The following UTP20 variants were observed in gnomAD, a reference collection of about 807,000 sequenced individuals.
UTP20 encodes UTP20 small subunit processome component, also known as small subunit processome component 20 homolog.
UTP20 carries 164 observed loss-of-function variants against 329.5 expected under a neutral mutation model. The ratio of observed to expected loss-of-function variants is 0.50; its 90% confidence interval spans 0.44 to 0.57. The LOEUF (loss-of-function observed/expected upper bound fraction) is 0.57, where lower values mean the gene tolerates loss of function less well. UTP20 is among the 20% of genes least tolerant of loss of function. UTP20 has a pLI of 0.00. For missense variants in UTP20, 3,055 were observed against 3,284.2 expected (o/e 0.93, Z 1.71); for synonymous variants, 1,151 against 1,159.3 (o/e 0.99, Z 0.14).
intron 22 of UTP20, among the ~76,000 whole-genome samples, chr12:101,318,423 G>A (rs1418144013): frequency 6.6e-6 from 1 of 152,208 alleles, no homozygotes; most frequent in African/African-American, 2.4e-5. Context: ...CCTTTGCTAA[G>A]TGCTGGTGTG....
At chr12:101,305,611 T>TTATATATATA (rs34841818) in intron 15 of UTP20, among the ~76,000 whole-genome samples, 6 of 144,582 alleles carry the variant, frequency 4.1e-5, no homozygotes, top group African/African-American at 1.5e-4. Flanking sequence ...ATAATAAATA[T>TTATATATATA]TATATATATA....
At chr12:101,285,912 C>G in intron 4 of UTP20, 31 bp downstream of exon 4, 3 of 1,599,898 alleles carry the variant, frequency 1.9e-6, no homozygotes, top group Non-Finnish European at 2.6e-6. Flanking sequence ...AAGCTCACAA[C>G]TATATTTGCC....
intron 25 of UTP20, among the ~76,000 whole-genome samples, chr12:101,324,115 T>A (rs1230369281): frequency 6.6e-6 from 1 of 151,650 alleles, no homozygotes; most frequent in African/African-American, 2.4e-5. Flanking sequence ...CCAGCCTGGA[T>A]GACAGAGCGA....
chr12:101,344,879 A>G (rs1869266332), intron 36 of UTP20, 129 bp downstream of exon 36: 1 of 625,458 alleles, frequency 1.6e-6, no homozygotes, highest in African/African-American at 1.8e-5. Flanking sequence ...GGTTGAGTAA[A>G]TAGTCACCAG....
Position 101,367,946 on chromosome 12 carries a change from C to T in UTP20, c.6354C>T (p.Leu2118=), listed in dbSNP as rs2121018704. 6.2e-7 allele frequency: 1 copy of T among 1,613,524 alleles called. No homozygotes were observed. Among genetic ancestry groups the T allele is most frequent in the East Asian group, 2.2e-5 (1 of 44,860 alleles). The change falls in exon 48 of 62, where the codon CTC becomes CTT. Residue 2118 remains leucine (L), a synonymous_variant. Coordinates refer to ENST00000261637, the MANE Select transcript of UTP20 (RefSeq NM_014503.3). ...TGCTGGATCCTTTTGTGTCTCTCCT[C>T]ATAGACTGCCTGGGCTCCATGGATG... ...LEMLDPFVSL[L]IDCLGSMDVK...
chr12:101,353,988 G>A (rs111889246), intron 40 of UTP20, among the ~76,000 whole-genome samples: 181 of 151,900 alleles, frequency 1.2e-3, no homozygotes, highest in African/African-American at 4.2e-3. Flanking sequence ...GCTGGGGCAC[G>A]GTGGCTCACA....
At chr12:101,314,899 G>A (rs1366594259) in intron 21 of UTP20, among the ~76,000 whole-genome samples, 2 of 151,472 alleles carry the variant, frequency 1.3e-5, no homozygotes, top group African/African-American at 4.9e-5. Flanking sequence ...TCAGGAGTTC[G>A]AGACCAGCCT....
At chr12:101,344,562 G>A in intron 35 of UTP20, 33 bp from the exon 36 acceptor site, 4 of 878,738 alleles carry the variant, frequency 4.6e-6, no homozygotes, top group South Asian at 2.6e-5. Flanking sequence ...TTATTACAGA[G>A]AATAATTTCT....
chr12:101,298,241 G>A (rs900845142), intron 12 of UTP20, among the ~76,000 whole-genome samples: 4 of 152,228 alleles, frequency 2.6e-5, no homozygotes, highest in South Asian at 2.1e-4. Context: ...GTGGTGAGGC[G>A]GGTAAGCAAA....
intron 2 of UTP20, 141 bp downstream of exon 2, chr12:101,281,337 C>T (rs1189623179): frequency 1.6e-5 from 10 of 642,644 alleles, no homozygotes; most frequent in Non-Finnish European, 2.3e-5. Context: ...ACAGTAGCCA[C>T]ATATGACAAA....
intron 25 of UTP20, among the ~76,000 whole-genome samples, chr12:101,325,335 C>T (rs560718105): frequency 1.3e-5 from 2 of 152,306 alleles, no homozygotes; most frequent in African/African-American, 4.8e-5. Context: ...TCCTTATCAG[C>T]GATGCCTTCT....
chr12:101,373,632 A>G lies in UTP20; in HGVS notation c.6996A>G (p.Leu2332=). 1 of 1,613,074 alleles carries G rather than the reference A, an allele frequency of 6.2e-7. No individual in the cohort carries two copies. Among genetic ancestry groups the G allele is most frequent in the Non-Finnish European group, 8.5e-7 (1 of 1,179,802 alleles). Reference sequence around the variant, plus strand: ...GAATGTTCTTTATCCCTCTTTGTCTAATGACGATCAATGATGACTCTGCCA... The same window carrying G: ...GAATGTTCTTTATCCCTCTTTGTCTGATGACGATCAATGATGACTCTGCCA... ...NCGMFFIPLC[L]MTINDDSATC... The change falls in exon 54 of 62, where the codon CTA becomes CTG. Residue 2332 remains leucine (L), a synonymous_variant. Transcript: ENST00000261637.
At position 101,320,933 on chromosome 12, in the gene UTP20, T is replaced by C; in HGVS notation, c.2911T>C (p.Tyr971His). The change falls in exon 24 of 62, where the codon TAC becomes CAC. Residue 971 changes from tyrosine to histidine, a missense_variant. Physicochemically the swap from Tyr to His is moderately conservative, Grantham distance 83. This residue lies in a region of UTP20 where 2,445 missense variants were observed against 2,575.5 expected (regional missense o/e 0.95). Transcript: ENST00000261637. ...MTYKHPHVLPYRENLQRLLED... is the reference protein window; with the variant it reads ...MTYKHPHVLPHRENLQRLLED... ...ATATAAACATCCTCATGTCCTCCCTTACAGGTAAGTTACTTGAAGCTTAAA... is the reference window on the plus strand; with the variant it reads ...ATATAAACATCCTCATGTCCTCCCTCACAGGTAAGTTACTTGAAGCTTAAA... 2 of 1,603,718 alleles carry C rather than the reference T, an allele frequency of 1.2e-6. No homozygotes were observed. Among genetic ancestry groups the C allele is most frequent in the South Asian group, 2.3e-5 (2 of 88,078 alleles).
Position 101,316,192 on chromosome 12 carries a change from C to G in UTP20, c.2553-1286C>G, listed in dbSNP as rs1266920550. ...TTTGTGAATCCCTTGTAAACATTCT[C>G]TGAGACGAACCAAACCAGGAACAAG... is the stretch of plus-strand genomic sequence containing the variant. On this transcript the variant is annotated intron_variant, in intron 21 of 61. Transcript: ENST00000261637. 2.0e-5 allele frequency among the ~76,000 whole-genome samples: 3 copies of G among 152,292 alleles called. No homozygotes were observed. The East Asian group carries it at 5.8e-4, about 29-fold the overall frequency.
intron 40 of UTP20, among the ~76,000 whole-genome samples, chr12:101,354,112 A>G (rs936384048): frequency 4.6e-5 from 7 of 151,980 alleles, no homozygotes; most frequent in Admixed American, 6.6e-5. Flanking sequence ...TATACAAAAA[A>G]TTAGCTGGAC....
rs766116806 is a variant in UTP20 at position 101,363,617 on chromosome 12, G to T, written c.5832G>T (p.Lys1944Asn). 3.1e-6 allele frequency: 5 copies of T among 1,613,864 alleles called. No homozygotes were observed. In the Admixed American group the frequency reaches 8.3e-5, roughly 27 times the overall value. Residue 1944 changes from lysine (K) to asparagine (N), a missense_variant, in exon 45 of 62, where the codon AAG (lysine) becomes AAT (asparagine). Around this residue, in one of 3 missense-constraint regions of UTP20, gnomAD observed 2,445 missense variants for 2,575.5 expected, o/e 0.95. Transcript: ENST00000261637. Reference protein sequence around the residue: ...HELFGAVAEEKEVKQILSKVM... With the variant: ...HELFGAVAEENEVKQILSKVM... The stretch of plus-strand genomic sequence containing the variant: ...TGTTTGGTGCTGTTGCTGAAGAGAA[G>T]GAAGTAAAGCAGATCCTCTCCAAAG...
intron 38 of UTP20, among the ~76,000 whole-genome samples, chr12:101,349,145 GT>G (rs1869432168): frequency 6.6e-6 from 1 of 151,682 alleles, no homozygotes; most frequent in African/African-American, 2.4e-5. Context: ...AATGTAATGT[GT>G]TTGGGGTTTT....
chr12:101,360,383 A>G (rs920546379), intron 43 of UTP20, among the ~76,000 whole-genome samples: 2 of 152,246 alleles, frequency 1.3e-5, no homozygotes, highest in African/African-American at 4.8e-5. Flanking sequence ...CAAAATATGT[A>G]TGTTAATTTC....
intron 21 of UTP20, 50 bp from the exon 22 acceptor site, chr12:101,317,428 G>A: frequency 6.3e-7 from 1 of 1,585,030 alleles, no homozygotes; most frequent in Non-Finnish European, 8.6e-7. Context: ...GCACCTTTCA[G>A]ATTGGTGTGC....
Sources: allele counts gnomAD v4.1 joint callset (sites outside exome capture counted in the v4.1 genomes callset), GRCh38; gene constraint gnomAD v4.1.1; regional missense constraint gnomAD v4.1.1; transcripts MANE v1.5; gene names NCBI Gene and HGNC (gene_info 2026-07-23, HGNC 2026-07-21).